The following AUTS2 variants were observed in gnomAD, a reference collection of about 807,000 sequenced individuals.
AUTS2 encodes the protein activator of transcription and developmental regulator AUTS2, also known as autism susceptibility gene 2 protein.
A neutral mutation model predicts 112.4 loss-of-function variants in AUTS2; 17 were observed. That is an observed-to-expected ratio of 0.15 (90% CI 0.10 to 0.23). The LOEUF is 0.23. AUTS2 is among the 10% of genes least tolerant of loss of function. The probability of loss-of-function intolerance (pLI) is 1.00; values close to 1 mark genes in which losing one functional copy is unlikely to be tolerated. For synonymous variants in AUTS2, 751 were observed against 702.7 expected, an observed-to-expected ratio of 1.07 and a Z score of -1.09; for missense variants, 1,510 against 1,701.6, an observed-to-expected ratio of 0.89 and a Z score of 1.98.
chr7:70,612,179 TG>T (rs1421601121), intron 5 of AUTS2, among the ~76,000 whole-genome samples: 1 of 152,252 alleles, frequency 6.6e-6, no homozygotes, highest in African/African-American at 2.4e-5. Context: ...TAGCCTTCTT[TG>T]TTCTATAAAG....
At chr7:70,405,800 A>G (rs1342237792) in intron 4 of AUTS2, among the ~76,000 whole-genome samples, 1 of 152,206 alleles carries the variant, frequency 6.6e-6, no homozygotes, top group African/African-American at 2.4e-5. Flanking sequence ...GCAATGTTCA[A>G]AGTTGGAAGC....
intron 2 of AUTS2, among the ~76,000 whole-genome samples, chr7:70,113,987 C>T (rs916860266): frequency 2.0e-5 from 3 of 152,172 alleles, no homozygotes; most frequent in Non-Finnish European, 4.4e-5. Flanking sequence ...ATCACAATTT[C>T]AGAATTTGGA....
At chr7:70,268,249 T>G (rs1787530103) in intron 4 of AUTS2, among the ~76,000 whole-genome samples, 1 of 152,208 alleles carries the variant, frequency 6.6e-6, no homozygotes, top group African/African-American at 2.4e-5. Flanking sequence ...ATTTTAGTGC[T>G]TCTGGATAGT....
At chr7:69,638,501 C>T (rs1437707733) in intron 1 of AUTS2, among the ~76,000 whole-genome samples, 2 of 152,254 alleles carry the variant, frequency 1.3e-5, no homozygotes, top group Non-Finnish European at 2.9e-5. Flanking sequence ...ATTTCAAAAT[C>T]AATAGTAAAA....
chr7:69,689,231 C>T (rs1797197114), intron 1 of AUTS2, among the ~76,000 whole-genome samples: 1 of 151,924 alleles, frequency 6.6e-6, no homozygotes, highest in Non-Finnish European at 1.5e-5. Flanking sequence ...CTACCTTGAC[C>T]ACAAAATCAC....
intron 2 of AUTS2, among the ~76,000 whole-genome samples, chr7:70,078,863 C>T (rs140764709): frequency 2.6e-5 from 4 of 152,300 alleles, no homozygotes; most frequent in Admixed American, 6.5e-5. Context: ...TTTAAATTCT[C>T]GTCTGCTCTC....
At chr7:70,732,244 A>G (rs1787456499) in intron 6 of AUTS2, among the ~76,000 whole-genome samples, 1 of 152,196 alleles carries the variant, frequency 6.6e-6, no homozygotes. Flanking sequence ...TGCTTAGGTT[A>G]GCATAGTAAC....
intron 4 of AUTS2, among the ~76,000 whole-genome samples, chr7:70,227,179 G>A (rs1344621164): frequency 6.6e-6 from 1 of 152,018 alleles, no homozygotes; most frequent in Non-Finnish European, 1.5e-5. Flanking sequence ...TGGAAACAAT[G>A]ATTCTTTTAA....
intron 4 of AUTS2, among the ~76,000 whole-genome samples, chr7:70,400,261 T>A (rs558620953): frequency 6.6e-6 from 1 of 152,256 alleles, no homozygotes; most frequent in African/African-American, 2.4e-5. Flanking sequence ...CCTCAGAGGG[T>A]CATCTCAAGG....
intron 6 of AUTS2, among the ~76,000 whole-genome samples, chr7:70,750,524 C>CACCTCCCAGGCTCAGGTGT (rs1788750776): frequency 6.6e-6 from 1 of 151,392 alleles, no homozygotes; most frequent in South Asian, 2.1e-4. Flanking sequence ...CCTCAGCCTC[C>CACCTCCCAGGCTCAGGTGT]TGAGTAGCTG....
Position 70,435,681 on chromosome 7 carries a change from G to A in AUTS2, c.661-71G>A, listed in dbSNP as rs1795863869. On this transcript the variant is annotated intron_variant, in intron 4 of 18. Coordinates refer to ENST00000342771, the MANE Select transcript of AUTS2 (RefSeq NM_015570.4). ...GCACTTTTTTTGTATGGGGGTTGGG[G>A]GAGGAGGCATCAAAAGCAAAAACAT... 2.6e-5 allele frequency: 39 copies of A among 1,495,458 alleles called. No homozygotes were observed. The South Asian group carries it at 3.5e-4, about 14-fold the overall frequency. The allele number at this position is 1,495,458 out of a possible 1,614,324, so 92.6% of individuals were successfully genotyped here. A position where few individuals can be genotyped will look rare whatever the true frequency, so the allele number is the denominator to read the frequency against.
At chr7:69,798,375 G>A (rs924960859) in intron 1 of AUTS2, among the ~76,000 whole-genome samples, 1 of 152,124 alleles carries the variant, frequency 6.6e-6, no homozygotes, top group African/African-American at 2.4e-5. Context: ...AGTGCGTTCG[G>A]TAAACGTTGC....
At chr7:70,349,924 C>T (rs1791671858) in intron 4 of AUTS2, among the ~76,000 whole-genome samples, 1 of 152,184 alleles carries the variant, frequency 6.6e-6, no homozygotes, top group African/African-American at 2.4e-5. Context: ...GGAAGGGAAA[C>T]CAAATATGAA....
chr7:70,039,453 C>T (rs972048673), intron 2 of AUTS2, among the ~76,000 whole-genome samples: 1 of 152,044 alleles, frequency 6.6e-6, no homozygotes. Flanking sequence ...ACCTCTGCCC[C>T]CTGGGTTCCA....
intron 4 of AUTS2, among the ~76,000 whole-genome samples, chr7:70,385,707 G>A (rs1402296312): frequency 1.3e-5 from 2 of 152,198 alleles, no homozygotes; most frequent in East Asian, 3.8e-4. Flanking sequence ...CTGCACTCCA[G>A]CCTGGGCAAC....
intron 4 of AUTS2, among the ~76,000 whole-genome samples, chr7:70,260,768 A>T (rs1230426980): frequency 6.7e-6 from 1 of 149,658 alleles, no homozygotes; most frequent in Non-Finnish European, 1.5e-5. Flanking sequence ...TTTTTTTTTT[A>T]AGACAGAGTC....
intron 15 of AUTS2, 148 bp from the exon 16 acceptor site, chr7:70,784,794 G>T: frequency 1.5e-4 from 70 of 463,168 alleles, no homozygotes; most frequent in Middle Eastern, 7.2e-4. Flanking sequence ...CTTTTACCCT[G>T]TGTCTTGCCT....
rs186090463 is a variant in AUTS2, at chr7:69,655,767, C to T, written c.309+55805C>T. On this transcript the variant is annotated intron_variant, in intron 1 of 18. Coordinates refer to ENST00000342771, the MANE Select transcript of AUTS2 (RefSeq NM_015570.4). Reference sequence around the variant, plus strand: ...CTGGGTCAGGAAGTTGGGGGAGTGTCTCAGGGGAGGGCCGTGCCTTCCTGG... The same window carrying T: ...CTGGGTCAGGAAGTTGGGGGAGTGTTTCAGGGGAGGGCCGTGCCTTCCTGG... 1.2e-3 allele frequency among the ~76,000 whole-genome samples: 186 copies of T among 152,222 alleles called. 2 individuals carry two copies. The highest frequency in any genetic ancestry group is 4.2e-3 in the African/African-American group (174 of 41,536).
chr7:70,068,944 T>A lies in AUTS2; in HGVS notation c.523-49188T>A, dbSNP rs753944320. Among the ~76,000 whole-genome samples, 158 of 152,276 alleles carry A rather than the reference T, an allele frequency of 1.0e-3. 1 individual carries two copies. The highest frequency in any genetic ancestry group is 1.4e-3 in the Admixed American group (21 of 15,290). ...TCCAGAAGGATTGATGTAGTGATTC[T>A]GGACTTGAGATTTCTTTTCACCACT... On this transcript the variant is annotated intron_variant, in intron 2 of 18. Coordinates refer to ENST00000342771, the MANE Select transcript of AUTS2 (RefSeq NM_015570.4).
Sources: gnomAD v4.1 joint callset for allele counts (sites outside exome capture counted in the v4.1 genomes callset) on GRCh38, gnomAD v4.1.1 for gene constraint, MANE v1.5 for transcripts, NCBI Gene and HGNC (gene_info 2026-07-23, HGNC 2026-07-21) for gene names.